The following GABRA5 variants were observed in gnomAD, a reference collection of about 807,000 sequenced individuals.
GABRA5 encodes gamma-aminobutyric acid type A receptor subunit alpha5.
GABRA5 carries 18 observed loss-of-function variants against 47.3 expected under a neutral mutation model. The ratio of observed to expected loss-of-function variants is 0.38; its 90% CI spans 0.26 to 0.56. The LOEUF (loss-of-function observed/expected upper bound fraction) is 0.56, where lower values mean the gene tolerates loss of function less well. Ranked by LOEUF, GABRA5 falls within the 20% of genes least tolerant of loss-of-function variation. The pLI, the probability that GABRA5 is intolerant of heterozygous loss-of-function variation, is 0.71. For missense variants in GABRA5, 365 were observed against 599.3 expected, an observed-to-expected ratio of 0.61 and a Z score of 4.08; for synonymous variants, 237 against 229.3, an observed-to-expected ratio of 1.03 and a Z score of -0.30.
intron 6 of GABRA5, among the ~76,000 whole-genome samples, chr15:26,896,067 G>C (rs1203003953): frequency 1.3e-5 from 2 of 152,070 alleles, no homozygotes; most frequent in East Asian, 3.9e-4. Context: ...CCACCCTTCA[G>C]TCATTCCCTT....
chr15:26,905,212 C>T (rs1245981959), intron 6 of GABRA5, among the ~76,000 whole-genome samples: 3 of 151,654 alleles, frequency 2.0e-5, no homozygotes, highest in Non-Finnish European at 4.4e-5. Flanking sequence ...GGCTGTTTAT[C>T]TGGAATATCA....
At chr15:26,924,594 C>A (rs576229266) in intron 7 of GABRA5, among the ~76,000 whole-genome samples, 1 of 152,230 alleles carries the variant, frequency 6.6e-6, no homozygotes, top group Admixed American at 6.5e-5. Context: ...CGTCCTGGCC[C>A]CCTTAGTCTG....
intron 6 of GABRA5, among the ~76,000 whole-genome samples, chr15:26,913,695 AAACT>A (rs1893653000): frequency 6.6e-6 from 1 of 152,156 alleles, no homozygotes; most frequent in Non-Finnish European, 1.5e-5. Flanking sequence ...ATGGAAAGAA[AAACT>A]AACAAACAGA....
intron 4 of GABRA5, among the ~76,000 whole-genome samples, chr15:26,882,077 A>C (rs1426549782): frequency 1.3e-5 from 2 of 152,196 alleles, no homozygotes; most frequent in Non-Finnish European, 2.9e-5. Flanking sequence ...CAGGCTCCTT[A>C]ACAGTCTCTT....
intron 6 of GABRA5, among the ~76,000 whole-genome samples, chr15:26,894,338 C>A (rs1057447211): frequency 5.3e-5 from 8 of 152,198 alleles, no homozygotes; most frequent in African/African-American, 1.4e-4. Flanking sequence ...GCCACCCCTT[C>A]ACAGGCCGCG....
chr15:26,906,915 A>G (rs1893457401), intron 6 of GABRA5, among the ~76,000 whole-genome samples: 1 of 152,244 alleles, frequency 6.6e-6, no homozygotes, highest in African/African-American at 2.4e-5. Context: ...TTTGGATAAG[A>G]AATATACTAA....
chr15:26,915,913 C>T (rs1018032323), intron 7 of GABRA5, among the ~76,000 whole-genome samples: 35 of 152,244 alleles, frequency 2.3e-4, no homozygotes, highest in African/African-American at 7.5e-4. Context: ...GGCAGAGTAA[C>T]ACCAGTTAAA....
Position 26,893,515 on chromosome 15 carries a change from G to A in GABRA5, c.497+9958G>A, listed in dbSNP as rs188172139. ...GCCTGGGCCTGGACCTCCCTCCTGC[G>A]TGTGGATCTGATGGGAGCAGCGGTG... On this transcript the variant is annotated intron_variant, in intron 6 of 10. Transcript: ENST00000335625. Among the ~76,000 whole-genome samples the A allele has an allele frequency of 1.7e-3, 259 of 150,856 alleles. 6 individuals carry two copies. The highest frequency in any genetic ancestry group is 0.017 in the Admixed American group (255 of 15,182).
At chr15:26,943,962 A>G (rs1894450475) in intron 10 of GABRA5, among the ~76,000 whole-genome samples, 1 of 152,248 alleles carries the variant, frequency 6.6e-6, no homozygotes, top group African/African-American at 2.4e-5. Context: ...CATTTGAAGA[A>G]AAAATGTTAT....
chr15:26,875,349 C>T (rs990589434), intron 3 of GABRA5, among the ~76,000 whole-genome samples: 41 of 152,314 alleles, frequency 2.7e-4, no homozygotes, highest in African/African-American at 9.6e-4. Context: ...CCAATGTGGA[C>T]CATGCTCTCA....
intron 6 of GABRA5, among the ~76,000 whole-genome samples, chr15:26,885,320 G>A (rs933671786): frequency 6.0e-5 from 9 of 148,786 alleles, no homozygotes; most frequent in African/African-American, 1.7e-4. Context: ...AAAAAAGAAT[G>A]TGGTGACTCA....
intron 6 of GABRA5, among the ~76,000 whole-genome samples, chr15:26,892,010 A>T (rs1019061925): frequency 2.6e-5 from 4 of 152,218 alleles, no homozygotes; most frequent in African/African-American, 9.6e-5. Flanking sequence ...CGGAGCAGCC[A>T]CCGCCTGGCA....
chr15:26,944,946 T>C (rs1829346868), intron 10 of GABRA5, among the ~76,000 whole-genome samples: 1 of 152,094 alleles, frequency 6.6e-6, no homozygotes, highest in Admixed American at 6.5e-5. Context: ...TGGGTGTTCT[T>C]GTTGGGTGTC....
At chr15:26,875,026 A>ATCTCAATGTGGGATTAATCATGGG (rs776282043) in intron 3 of GABRA5, among the ~76,000 whole-genome samples, 1 of 152,184 alleles carries the variant, frequency 6.6e-6, no homozygotes, top group South Asian at 2.1e-4. Context: ...TCAGTTTCTA[A>ATCTCAATGTGGGATTAATCATGGG]TCTCAATGTG....
chr15:26,930,559 A>AT (rs1268946711), intron 7 of GABRA5, among the ~76,000 whole-genome samples: 1 of 152,092 alleles, frequency 6.6e-6, no homozygotes, highest in African/African-American at 2.4e-5. Flanking sequence ...CATGTTCCTC[A>AT]TTTTTTGTCT....
intron 6 of GABRA5, among the ~76,000 whole-genome samples, chr15:26,885,506 C>G (rs1892857522): frequency 6.6e-6 from 1 of 152,128 alleles, no homozygotes; most frequent in South Asian, 2.1e-4. Flanking sequence ...GCAGGACTGT[C>G]CTGGTAACAG....
At chr15:26,939,851 C>T in intron 8 of GABRA5, 74 bp from the exon 9 acceptor site, 1 of 1,498,792 alleles carries the variant, frequency 6.7e-7, no homozygotes, top group Non-Finnish European at 9.2e-7. Flanking sequence ...GGAAGGGAGG[C>T]TCCTGGTGAA....
chr15:26,928,977 G>T (rs963428131), intron 7 of GABRA5, among the ~76,000 whole-genome samples: 1 of 152,014 alleles, frequency 6.6e-6, no homozygotes, highest in Non-Finnish European at 1.5e-5. Context: ...ACCTCCCAAC[G>T]CCCCACCTGC....
At chr15:26,891,893 G>A (rs1893015445) in intron 6 of GABRA5, among the ~76,000 whole-genome samples, 1 of 152,232 alleles carries the variant, frequency 6.6e-6, no homozygotes, top group South Asian at 2.1e-4. Flanking sequence ...TCGGACGGTG[G>A]TCCCTTAAGC....
Sources: gnomAD v4.1 joint callset for allele counts (sites outside exome capture counted in the v4.1 genomes callset) on GRCh38, gnomAD v4.1.1 for gene constraint, MANE v1.5 for transcripts, NCBI Gene and HGNC (gene_info 2026-07-23, HGNC 2026-07-21) for gene names.